Variants in RBFOX1 observed in about 807,000 individuals in gnomAD.
RBFOX1 encodes the protein RNA binding fox-1 homolog 1.
In RBFOX1, 8 loss-of-function variants were observed where a neutral mutation model predicts 57.7. That is an observed-to-expected ratio of 0.14 (90% confidence interval 0.08 to 0.25). RBFOX1 has a LOEUF of 0.25. Ranked by LOEUF, RBFOX1 falls within the 10% of genes least tolerant of loss-of-function variation. RBFOX1 has a pLI of 1.00. For missense variants in RBFOX1, 611 were observed against 548.5 expected, an observed-to-expected ratio of 1.11 and a Z score of -1.14; for synonymous variants, 326 against 222.4, an observed-to-expected ratio of 1.47 and a Z score of -4.15.
intron 3 of RBFOX1, among the ~76,000 whole-genome samples, chr16:6,917,034 A>T (rs1436139806): frequency 2.0e-5 from 3 of 152,052 alleles, no homozygotes; most frequent in Non-Finnish European, 4.4e-5. Context: ...TTTTTAGTAG[A>T]GATGGGTTTC....
At chr16:5,465,108 A>G (rs753085132) in intron 1 of RBFOX1, among the ~76,000 whole-genome samples, 1 of 152,208 alleles carries the variant, frequency 6.6e-6, no homozygotes, top group Non-Finnish European at 1.5e-5. Flanking sequence ...ACAAAGTAAT[A>G]CAGATGGAGT....
intron 3 of RBFOX1, among the ~76,000 whole-genome samples, chr16:6,670,015 A>T (rs138736707): frequency 2.6e-5 from 4 of 152,122 alleles, no homozygotes; most frequent in Non-Finnish European, 4.4e-5. Flanking sequence ...CTGTCTATCT[A>T]TCTATCTGTC....
chr16:6,970,320 A>G (rs1286354716), intron 3 of RBFOX1, among the ~76,000 whole-genome samples: 1 of 152,172 alleles, frequency 6.6e-6, no homozygotes, highest in African/African-American at 2.4e-5. Context: ...CTGTCCTTTC[A>G]TTTTCTCAGT....
chr16:5,359,165 A>C (rs1284648743), intron 1 of RBFOX1, among the ~76,000 whole-genome samples: 2 of 152,172 alleles, frequency 1.3e-5, no homozygotes, highest in South Asian at 2.1e-4. Context: ...TGATGGTGGC[A>C]TAGTTTTCTG....
chr16:6,200,068 A>T lies in RBFOX1; in HGVS notation c.-126-116927A>T, dbSNP rs896735687. On this transcript the variant is annotated intron_variant, in intron 1 of 15. Coordinates refer to ENST00000550418, the MANE Select transcript of RBFOX1 (RefSeq NM_018723.4). Reference sequence around the variant, plus strand: ...GGAAGATACAAATGGAGATGTCTAGAGGGTGCTGGCAGTAAGCTTCTGCAA... The same window carrying T: ...GGAAGATACAAATGGAGATGTCTAGTGGGTGCTGGCAGTAAGCTTCTGCAA... 3.3e-5 allele frequency among the ~76,000 whole-genome samples: 5 copies of T among 152,140 alleles called. No individual in the cohort carries two copies. In the South Asian group the frequency reaches 1.0e-3, roughly 32 times the overall value.
At chr16:5,925,814 A>G (rs1396694985) in intron 4 of RBFOX1, among the ~76,000 whole-genome samples, 1 of 152,180 alleles carries the variant, frequency 6.6e-6, no homozygotes, top group Admixed American at 6.5e-5. Flanking sequence ...CTCTGCTCAC[A>G]CATCGGCATA....
At chr16:6,485,460 T>C (rs1215994319) in intron 2 of RBFOX1, among the ~76,000 whole-genome samples, 1 of 152,184 alleles carries the variant, frequency 6.6e-6, no homozygotes, top group African/African-American at 2.4e-5. Flanking sequence ...CTGTTTTACC[T>C]GGTGCACAGA....
intron 12 of RBFOX1, among the ~76,000 whole-genome samples, chr16:7,661,020 G>A (rs35739134): frequency 0.1 from 15,707 of 152,186 alleles, 1,002 homozygotes; most frequent in South Asian, 0.2. Flanking sequence ...CATGAGCACA[G>A]AAAGGCTAGA....
chr16:5,856,531 A>C (rs12928222), intron 3 of RBFOX1, among the ~76,000 whole-genome samples: 2 of 62,310 alleles, frequency 3.2e-5, no homozygotes, highest in African/African-American at 5.9e-5. Flanking sequence ...TCATTCATAT[A>C]TGTGTATGTG....
intron 4 of RBFOX1, among the ~76,000 whole-genome samples, chr16:7,269,737 G>C (rs2095270856): frequency 1.3e-5 from 2 of 152,022 alleles, no homozygotes; most frequent in African/African-American, 2.4e-5. Flanking sequence ...TCAAGTCTTT[G>C]TTTACATTTT....
chr16:5,243,187 T>TC (rs924610292), intron 1 of RBFOX1, among the ~76,000 whole-genome samples: 1 of 152,176 alleles, frequency 6.6e-6, no homozygotes, highest in African/African-American at 2.4e-5. Context: ...GAGAAGTCTC[T>TC]CCTAGGTATT....
chr16:5,749,196 A>G (rs1389073167), intron 3 of RBFOX1, among the ~76,000 whole-genome samples: 1 of 151,612 alleles, frequency 6.6e-6, no homozygotes, highest in African/African-American at 2.4e-5. Flanking sequence ...TATTGCCCCC[A>G]CCCCCTTTTG....
chr16:7,436,849 G>C (rs572529327), intron 4 of RBFOX1, among the ~76,000 whole-genome samples: 2 of 152,296 alleles, frequency 1.3e-5, no homozygotes, highest in African/African-American at 4.8e-5. Context: ...ATCATCCTAA[G>C]TTAGGAGTTT....
Position 6,782,207 on chromosome 16 carries a change from A to C in RBFOX1, c.-16+127557A>C, listed in dbSNP as rs913566388. On this transcript the variant is annotated intron_variant, in intron 3 of 15. Coordinates refer to ENST00000550418, the MANE Select transcript of RBFOX1 (RefSeq NM_018723.4). The stretch of plus-strand genomic sequence containing the variant: ...TTTTCAGTAGATACAGGGTTTCGCC[A>C]TGTTGGCCAGGGTGATCTCTGTCTC... Among the ~76,000 whole-genome samples the C allele has an allele frequency of 3.9e-5, 6 of 152,264 alleles. 1 individual carries two copies. The South Asian group carries it at 1.2e-3, about 32-fold the overall frequency.
At chr16:5,873,943 G>C (rs987096180) in intron 4 of RBFOX1, among the ~76,000 whole-genome samples, 1 of 152,160 alleles carries the variant, frequency 6.6e-6, no homozygotes, top group African/African-American at 2.4e-5. Flanking sequence ...AAAGCTGCCT[G>C]CTCAGAGAAT....
intron 10 of RBFOX1, among the ~76,000 whole-genome samples, chr16:7,624,482 G>A (rs1282339495): frequency 6.6e-6 from 1 of 152,140 alleles, no homozygotes; most frequent in Non-Finnish European, 1.5e-5. Flanking sequence ...AGCACTAAAC[G>A]TGATAACATG....
At chr16:5,973,772 A>G (rs1431084621) in intron 4 of RBFOX1, among the ~76,000 whole-genome samples, 1 of 152,166 alleles carries the variant, frequency 6.6e-6, no homozygotes, top group Non-Finnish European at 1.5e-5. Flanking sequence ...TTCTTTGTTC[A>G]TTCATTCATT....
At chr16:6,601,665 AAG>A (rs1162556636) in intron 2 of RBFOX1, among the ~76,000 whole-genome samples, 1 of 152,004 alleles carries the variant, frequency 6.6e-6, no homozygotes, top group Non-Finnish European at 1.5e-5. Context: ...ACATATTAAA[AAG>A]AACGTATAAG....
chr16:7,672,374 T>C (rs2071755058), intron 13 of RBFOX1, among the ~76,000 whole-genome samples: 1 of 152,182 alleles, frequency 6.6e-6, no homozygotes, highest in Admixed American at 6.5e-5. Context: ...GCAATTCCCT[T>C]TTTTCTTCAG....
Sources: allele counts gnomAD v4.1 joint callset (sites outside exome capture counted in the v4.1 genomes callset), GRCh38; gene constraint gnomAD v4.1.1; transcripts MANE v1.5; gene names NCBI Gene and HGNC (gene_info 2026-07-23, HGNC 2026-07-21).